The following RNLS variants were observed in gnomAD, a reference collection of about 807,000 sequenced individuals.
RNLS encodes renalase.
A neutral mutation model predicts 39.8 loss-of-function variants in RNLS; 39 were observed. The ratio of observed to expected loss-of-function variants is 0.98; its 90% CI spans 0.76 to 1.28. The LOEUF is 1.28. Ranked by LOEUF, RNLS falls within the 50% of genes most tolerant of loss-of-function variation. The pLI is 0.00. For missense variants in RNLS, 410 were observed against 413.3 expected (o/e 0.99, Z 0.07); for synonymous variants, 147 against 150.7 (o/e 0.98, Z 0.18).
At chr10:88,264,890 T>C in the RNLS span, among the ~76,000 whole-genome samples, 1 of 152,254 alleles carries the variant, frequency 6.6e-6, no homozygotes, top group Non-Finnish European at 1.5e-5. Context: ...TTTTGCATTC[T>C]TGGTCATGAA....
At chr10:88,365,319 T>C (rs910630031) in intron 4 of RNLS, among the ~76,000 whole-genome samples, 2 of 152,150 alleles carry the variant, frequency 1.3e-5, no homozygotes, top group East Asian at 3.9e-4. Flanking sequence ...TTTAAAAAAG[T>C]TTCTAGTGCA....
chr10:88,434,810 A>G (rs1310747613), intron 4 of RNLS, among the ~76,000 whole-genome samples: 3 of 152,144 alleles, frequency 2.0e-5, no homozygotes, highest in African/African-American at 7.2e-5. Flanking sequence ...AAATAGGAAT[A>G]AAGATTGCAT....
chr10:88,524,956 C>CACACACATAT (rs768939981), intron 4 of RNLS, among the ~76,000 whole-genome samples: 28 of 76,288 alleles, frequency 3.7e-4, no homozygotes, highest in African/African-American at 1.2e-3. Flanking sequence ...ATGGCACACA[C>CACACACATAT]ATACATATAT....
At position 88,544,417 on chromosome 10, in the gene RNLS, T is replaced by C. The variant is rs80026868; in HGVS notation, c.526+28486A>G. On this transcript the variant is annotated intron_variant, in intron 4 of 6. Transcript: ENST00000331772. Reference sequence around the variant, plus strand: ...TTCTACCAGAGTGAGGCACTGATATTTGTCAATCTTCTCTTTTATATTTCT... The same window carrying C: ...TTCTACCAGAGTGAGGCACTGATATCTGTCAATCTTCTCTTTTATATTTCT... Among the ~76,000 whole-genome samples the C allele has an allele frequency of 0.012, 1,836 of 152,316 alleles. 76 individuals are homozygous for C. In the East Asian group the frequency reaches 0.13, roughly 11 times the overall value.
intron 3 of RNLS, among the ~76,000 whole-genome samples, chr10:88,577,432 C>T: frequency 6.6e-6 from 1 of 152,128 alleles, no homozygotes; most frequent in East Asian, 1.9e-4. Context: ...ACCAACTAGC[C>T]AAGCCACCTT....
intron 4 of RNLS, among the ~76,000 whole-genome samples, chr10:88,442,616 C>G (rs1053002603): frequency 8.5e-5 from 13 of 152,158 alleles, no homozygotes; most frequent in African/African-American, 2.9e-4. Context: ...CTCTCTCACC[C>G]CTGGATTTTG....
chr10:88,207,397 T>C, the RNLS span, among the ~76,000 whole-genome samples: 1 of 152,046 alleles, frequency 6.6e-6, no homozygotes, highest in Non-Finnish European at 1.5e-5. Context: ...AATCAAGATA[T>C]ATGAATAGCA....
At chr10:88,579,728 G>T (rs541056077) in intron 3 of RNLS, among the ~76,000 whole-genome samples, 1 of 152,092 alleles carries the variant, frequency 6.6e-6, no homozygotes, top group East Asian at 1.9e-4. Context: ...TCTACAAAAC[G>T]TCCAATAGTG....
At chr10:88,460,218 G>T (rs1842871839) in intron 4 of RNLS, among the ~76,000 whole-genome samples, 1 of 152,112 alleles carries the variant, frequency 6.6e-6, no homozygotes, top group South Asian at 2.1e-4. Flanking sequence ...CTCTTTATTA[G>T]ACAGGAGAGA....
At chr10:88,501,619 C>T (rs1368771627) in intron 4 of RNLS, among the ~76,000 whole-genome samples, 2 of 152,094 alleles carry the variant, frequency 1.3e-5, no homozygotes, top group African/African-American at 2.4e-5. Context: ...GTGAGTTGAT[C>T]TTCTGAACCG....
chr10:88,386,232 T>C (rs1851848196), intron 4 of RNLS, among the ~76,000 whole-genome samples: 1 of 152,208 alleles, frequency 6.6e-6, no homozygotes, highest in Non-Finnish European at 1.5e-5. Flanking sequence ...TCAGAAAAGC[T>C]ACTGACCAAA....
At chr10:88,548,649 T>G (rs978290983) in intron 4 of RNLS, among the ~76,000 whole-genome samples, 2 of 146,568 alleles carry the variant, frequency 1.4e-5, no homozygotes, top group Non-Finnish European at 3.0e-5. Context: ...AAAATATACA[T>G]ATATATATAT....
At chr10:88,364,771 T>G (rs1849919237) in intron 4 of RNLS, among the ~76,000 whole-genome samples, 1 of 152,132 alleles carries the variant, frequency 6.6e-6, no homozygotes, top group South Asian at 2.1e-4. Context: ...CTCAATGAAT[T>G]TGGAACTTCA....
intron 4 of RNLS, among the ~76,000 whole-genome samples, chr10:88,421,609 A>G (rs1242416593): frequency 1.3e-5 from 2 of 152,098 alleles, no homozygotes; most frequent in Non-Finnish European, 2.9e-5. Flanking sequence ...TTTCTAATCC[A>G]TATTGTATCT....
At chr10:88,308,460 A>G (rs1204742467) in intron 6 of RNLS, among the ~76,000 whole-genome samples, 4 of 152,184 alleles carry the variant, frequency 2.6e-5, no homozygotes, top group Non-Finnish European at 5.9e-5. Context: ...AACCCCATTA[A>G]CAAGTGGGCA....
the RNLS span, among the ~76,000 whole-genome samples, chr10:88,214,721 A>G: frequency 3.3e-5 from 5 of 152,270 alleles, no homozygotes; most frequent in Admixed American, 6.5e-5. Flanking sequence ...CATTTAAAAC[A>G]TGTTCCTTTT....
chr10:88,554,315 T>G, intron 4 of RNLS, among the ~76,000 whole-genome samples: 1 of 152,118 alleles, frequency 6.6e-6, no homozygotes, highest in East Asian at 1.9e-4. Context: ...GCAGCGTAAA[T>G]AGCATTAACT....
intron 4 of RNLS, among the ~76,000 whole-genome samples, chr10:88,478,217 G>C (rs1011518893): frequency 6.6e-6 from 1 of 152,022 alleles, no homozygotes; most frequent in Non-Finnish European, 1.5e-5. Flanking sequence ...CCAGTTTCTT[G>C]GTGCCAGTTA....
At chr10:88,195,740 T>A in the RNLS span, among the ~76,000 whole-genome samples, 1 of 152,164 alleles carries the variant, frequency 6.6e-6, no homozygotes, top group Non-Finnish European at 1.5e-5. Flanking sequence ...AAGAAAATGA[T>A]ACCAGGGAGA....
Sources: gnomAD v4.1 joint callset for allele counts (sites outside exome capture counted in the v4.1 genomes callset) on GRCh38, gnomAD v4.1.1 for gene constraint, MANE v1.5 for transcripts, NCBI Gene and HGNC (gene_info 2026-07-23, HGNC 2026-07-21) for gene names.